The following PDIA4 variants were observed in gnomAD, a reference collection of about 807,000 sequenced individuals.
PDIA4 encodes protein disulfide-isomerase A4.
In PDIA4, 33 loss-of-function variants were observed where a neutral mutation model predicts 62.1. That is an observed-to-expected ratio of 0.53 (90% confidence interval 0.40 to 0.71). The LOEUF (loss-of-function observed/expected upper bound fraction) is 0.71, where lower values mean the gene tolerates loss of function less well. Among genes scored for constraint, PDIA4 ranks in the 30% least tolerant of loss-of-function variants. The pLI, the probability that PDIA4 is intolerant of heterozygous loss-of-function variation, is 0.00. For synonymous variants in PDIA4, 341 were observed against 324.1 expected (o/e 1.05, Z -0.56); for missense variants, 804 against 813.6 (o/e 0.99, Z 0.14).
In PDIA4 at chr7:149,008,239, A is replaced by G; in HGVS notation, c.1051T>C (p.Ser351Pro). The G allele has an allele frequency of 6.2e-7, 1 of 1,614,140 alleles. No individual in the cohort carries two copies. Among genetic ancestry groups the G allele is most frequent in the Non-Finnish European group, 8.5e-7 (1 of 1,180,004 alleles). ...TGCATTACAACCAACTGCCCCTGGG[A>G]GACTTTCAAGAACTTTGCTATTTCT... ...STEIAKFLKV[S>P]QGQLVVMQPE... is the part of the protein sequence containing the mutation. The change falls in exon 7 of 10, where the codon TCC (serine) becomes CCC (proline). Residue 351 changes from serine to proline, a missense_variant. By Grantham distance (74) the Ser-to-Pro change is moderately conservative. Coordinates refer to ENST00000652332, the MANE Select transcript of PDIA4 (RefSeq NM_004911.5).
Position 149,003,908 on chromosome 7 carries a change from A to G in PDIA4, c.1824T>C (p.Ser608=). Reference sequence around the variant, plus strand: ...ATTTAACTGGGTTCTTTTTGTCCCCACTGGGGGCGAAGTAGATGGTGGGGA... The same window carrying G: ...ATTTAACTGGGTTCTTTTTGTCCCCGCTGGGGGCGAAGTAGATGGTGGGGA... The part of the protein sequence containing the change: ...EGFPTIYFAP[S]GDKKNPVKFE... The change falls in exon 10 of 10, where the codon AGT becomes AGC. Residue 608 remains serine (S), a synonymous_variant. Transcript: ENST00000652332. 4 of 1,613,416 alleles carry G rather than the reference A, an allele frequency of 2.5e-6. No individual in the cohort carries two copies. Among genetic ancestry groups the G allele is most frequent in the Non-Finnish European group, 3.4e-6 (4 of 1,179,774 alleles).
chr7:149,005,036 G>T, intron 9 of PDIA4, 105 bp downstream of exon 9: 1 of 814,636 alleles, frequency 1.2e-6, no homozygotes. Context: ...GACTTAAGGG[G>T]GTGTCGTGCC....
intron 3 of PDIA4, among the ~76,000 whole-genome samples, chr7:149,015,492 C>CAA (rs34656815): frequency 0.038 from 3,977 of 104,240 alleles, 107 homozygotes; most frequent in African/African-American, 0.072. Context: ...AAGATGTATG[C>CAA]AAAAAAAAAA....
intron 1 of PDIA4, among the ~76,000 whole-genome samples, chr7:149,022,674 C>T (rs1824395798): frequency 6.6e-6 from 1 of 152,070 alleles, no homozygotes; most frequent in African/African-American, 2.4e-5. Flanking sequence ...ACTCCTGGGG[C>T]TCACCAACCC....
At position 149,004,090 on chromosome 7, in the gene PDIA4, T is replaced by G. The variant is rs1440158154; in HGVS notation, c.1642A>C (p.Ile548Leu). 6.2e-7 allele frequency: 1 copy of G among 1,614,212 alleles called. No individual in the cohort carries two copies. The highest frequency in any genetic ancestry group is 1.7e-5 in the Admixed American group (1 of 60,030). The change falls in exon 10 of 10, where the codon ATC becomes CTC. Residue 548 changes from isoleucine to leucine, a missense_variant. Physicochemically the swap from Ile to Leu is conservative, Grantham distance 5. Coordinates refer to ENST00000652332, the MANE Select transcript of PDIA4 (RefSeq NM_004911.5). ...CCGCACCATGGCGCGTAGAACTCGA[T>G]GAGGACGTCCTTCTTGGGGTCCATC... ...IVMDPKKDVLIEFYAPWCGHC... is the reference protein window; with the variant it reads ...IVMDPKKDVLLEFYAPWCGHC...
chr7:149,004,209 C>G lies in PDIA4; in HGVS notation c.1523G>C (p.Gly508Ala). 5 of 1,610,282 alleles carry G rather than the reference C, an allele frequency of 3.1e-6. No homozygotes were observed. Among genetic ancestry groups the G allele is most frequent in the Admixed American group, 1.7e-5 (1 of 59,822 alleles). Residue 508 changes from glycine (G) to alanine (A), a missense_variant and splice_region_variant, in exon 10 of 10, where the codon GGA becomes GCA. Coordinates refer to ENST00000652332, the MANE Select transcript of PDIA4 (RefSeq NM_004911.5). ...LREFVTAFKK[G>A]KLKPVIKSQP... The stretch of plus-strand genomic sequence containing the variant: ...GGATTTGATGACTGGCTTCAGTTTT[C>G]CTGCCAAGGAAAGCAAGGCGGGAGG...
intron 3 of PDIA4, among the ~76,000 whole-genome samples, chr7:149,015,707 T>C (rs1441757262): frequency 1.3e-5 from 2 of 152,180 alleles, no homozygotes; most frequent in African/African-American, 4.8e-5. Flanking sequence ...GTCACTCTTT[T>C]TCCCCACTGC....
At chr7:149,023,457 G>C (rs548430879) in intron 1 of PDIA4, among the ~76,000 whole-genome samples, 2 of 152,064 alleles carry the variant, frequency 1.3e-5, no homozygotes, top group Non-Finnish European at 2.9e-5. Flanking sequence ...AAAAGTAATC[G>C]AGATTTTTGA....
intron 7 of PDIA4, 36 bp downstream of exon 7, chr7:149,008,123 G>T: frequency 1.9e-6 from 3 of 1,600,288 alleles, no homozygotes; most frequent in Middle Eastern, 1.7e-4. Context: ...TGCCTGCGGG[G>T]TGTCCAGGGC....
chr7:149,006,363 CAGGA>C, intron 7 of PDIA4: 1 of 291,192 alleles, frequency 3.4e-6, no homozygotes, highest in South Asian at 4.8e-5. Context: ...TCTTGGCAGA[CAGGA>C]AGGGTTATCA....
intron 6 of PDIA4, among the ~76,000 whole-genome samples, chr7:149,008,654 G>A (rs1381196564): frequency 6.6e-6 from 1 of 151,854 alleles, no homozygotes; most frequent in Non-Finnish European, 1.5e-5. Flanking sequence ...GTTGTAGTGA[G>A]CCGAGATCAC....
In PDIA4 at chr7:149,020,955, C is replaced by T. The variant is rs1034409590; in HGVS notation, c.269+12G>A. The T allele has an allele frequency of 1.1e-5, 17 of 1,612,744 alleles. No homozygotes were observed. Among genetic ancestry groups the T allele is most frequent in the Middle Eastern group, 1.6e-4 (1 of 6,082 alleles). On this transcript the variant is annotated intron_variant, in intron 2 of 9. Coordinates refer to ENST00000652332, the MANE Select transcript of PDIA4 (RefSeq NM_004911.5). ...GCTTGTCCACCTGCAGAAATTAGAA[C>T]GCGGTCCTTACCATGGAGCATAAAA... is the stretch of plus-strand genomic sequence containing the variant.
intron 5 of PDIA4, 71 bp downstream of exon 5, chr7:149,012,084 C>A: frequency 6.2e-7 from 1 of 1,607,946 alleles, no homozygotes. Context: ...GCCCCCAGCA[C>A]CTTCAATGGC....
At chr7:149,027,412 C>T (rs1273717428) in intron 1 of PDIA4, among the ~76,000 whole-genome samples, 6 of 152,144 alleles carry the variant, frequency 3.9e-5, no homozygotes, top group African/African-American at 7.2e-5. Flanking sequence ...ATAAAGTTCA[C>T]GATTTCCCTA....
chr7:149,005,779 T>A, intron 8 of PDIA4, 118 bp downstream of exon 8: 1 of 793,552 alleles, frequency 1.3e-6, no homozygotes, highest in South Asian at 2.1e-5. Context: ...GGCCCCAGGC[T>A]GGGATTTCTG....
At chr7:149,016,526 CTT>C (rs559372851) in intron 3 of PDIA4, among the ~76,000 whole-genome samples, 2 of 145,780 alleles carry the variant, frequency 1.4e-5, no homozygotes. Flanking sequence ...ACACTAGTAC[CTT>C]TTTTTTTTTT....
chr7:149,025,085 AATATAT>A (rs869119727), intron 1 of PDIA4, among the ~76,000 whole-genome samples: 17 of 22,356 alleles, frequency 7.6e-4, no homozygotes, highest in African/African-American at 1.0e-3. Context: ...AAAAAAAAAA[AATATAT>A]ATATATATAT....
intron 7 of PDIA4, among the ~76,000 whole-genome samples, chr7:149,007,414 C>T (rs74654845): frequency 1.3e-5 from 2 of 152,348 alleles, no homozygotes; most frequent in East Asian, 3.9e-4. Context: ...AATCTCAGCT[C>T]TGCTTCCCAC....
intron 1 of PDIA4, among the ~76,000 whole-genome samples, chr7:149,024,413 A>G (rs181360447): frequency 6.6e-6 from 1 of 152,134 alleles, no homozygotes; most frequent in Admixed American, 6.5e-5. Flanking sequence ...CTAGCCTTCT[A>G]TCTACCAGAA....
Sources: gnomAD v4.1 joint callset for allele counts (sites outside exome capture counted in the v4.1 genomes callset) on GRCh38, gnomAD v4.1.1 for gene constraint, MANE v1.5 for transcripts, NCBI Gene and HGNC (gene_info 2026-07-23, HGNC 2026-07-21) for gene names.